RNF145: variants seen among roughly 807,000 people sequenced by gnomAD.
The protein encoded by RNF145 is ring finger protein 145.
RNF145 carries 12 observed loss-of-function variants against 57.3 expected under a neutral mutation model. That is an observed-to-expected ratio of 0.21 (90% confidence interval 0.13 to 0.34). The LOEUF is 0.34. RNF145 is among the 10% of genes least tolerant of loss of function. The pLI, the probability that RNF145 is intolerant of heterozygous loss-of-function variation, is 1.00. For synonymous variants in RNF145, 262 were observed against 288.3 expected, an observed-to-expected ratio of 0.91 and a Z score of 0.92; for missense variants, 429 against 799.0, an observed-to-expected ratio of 0.54 and a Z score of 5.58.
intron 3 of RNF145, among the ~76,000 whole-genome samples, chr5:159,182,901 TA>T (rs1038109185): frequency 5.3e-5 from 8 of 152,154 alleles, no homozygotes; most frequent in Non-Finnish European, 1.0e-4. Context: ...TCATTGTATT[TA>T]AAAGAGAACA....
At chr5:159,207,986 T>A in intron 1 of RNF145, 3 of 1,566,384 alleles carry the variant, frequency 1.9e-6, no homozygotes, top group Non-Finnish European at 2.6e-6. Context: ...CACTCCGTAT[T>A]TTAAAAAATA....
Position 159,176,734 on chromosome 5 carries a change from T to C in RNF145, c.519A>G (p.Lys173=). The part of the protein sequence containing the change: ...VPLETIVIIN[K]FAMIFTGLEV... ...CCAATCCAGTAAAAATCATAGCAAATTTATTGATGATAACAATTGTCTCCA... is the reference window on the plus strand; with the variant it reads ...CCAATCCAGTAAAAATCATAGCAAACTTATTGATGATAACAATTGTCTCCA... Residue 173 remains lysine, a synonymous_variant, in exon 5 of 11, where the codon AAA becomes AAG. Coordinates refer to ENST00000424310, the MANE Select transcript of RNF145 (RefSeq NM_001199383.2). 6.2e-7 allele frequency: 1 copy of C among 1,612,072 alleles called. No homozygotes were observed. Among genetic ancestry groups the C allele is most frequent in the Non-Finnish European group, 8.5e-7 (1 of 1,178,588 alleles).
At chr5:159,169,527 C>T (rs1784482094) in intron 7 of RNF145, 152 bp downstream of exon 7, 1 of 567,388 alleles carries the variant, frequency 1.8e-6, no homozygotes, top group Non-Finnish European at 3.0e-6. Flanking sequence ...TGTATTTTTT[C>T]ATAGTATTTT....
chr5:159,185,632 CT>C (rs1224513814), intron 3 of RNF145, among the ~76,000 whole-genome samples: 1 of 152,126 alleles, frequency 6.6e-6, no homozygotes, highest in Non-Finnish European at 1.5e-5. Context: ...AAAATTCTAA[CT>C]TTTAACAACA....
At chr5:159,183,045 G>A (rs376199310) in intron 3 of RNF145, among the ~76,000 whole-genome samples, 2 of 152,046 alleles carry the variant, frequency 1.3e-5, no homozygotes, top group Admixed American at 6.6e-5. Flanking sequence ...ACAATCAGCC[G>A]GAAGGGTATT....
At chr5:159,175,556 A>C (rs1784694950) in intron 5 of RNF145, among the ~76,000 whole-genome samples, 1 of 152,144 alleles carries the variant, frequency 6.6e-6, no homozygotes, top group Non-Finnish European at 1.5e-5. Flanking sequence ...AAAAATATGT[A>C]TCTTAAATTT....
intron 4 of RNF145, among the ~76,000 whole-genome samples, chr5:159,178,164 A>ATT (rs1303680033): frequency 1.3e-5 from 2 of 151,916 alleles, no homozygotes; most frequent in Non-Finnish European, 2.9e-5. Context: ...AAATAGCTGT[A>ATT]TTTTCTTTTA....
intron 8 of RNF145, among the ~76,000 whole-genome samples, chr5:159,166,198 C>G (rs1481394226): frequency 6.6e-6 from 1 of 152,124 alleles, no homozygotes; most frequent in Non-Finnish European, 1.5e-5. Flanking sequence ...CTGAACTTCT[C>G]TTCATGTTTG....
intron 3 of RNF145, among the ~76,000 whole-genome samples, chr5:159,188,965 C>A (rs1227595120): frequency 6.6e-6 from 1 of 151,968 alleles, no homozygotes; most frequent in Non-Finnish European, 1.5e-5. Flanking sequence ...CTGGATATAG[C>A]CAGTTTTTTA....
intron 6 of RNF145, among the ~76,000 whole-genome samples, chr5:159,172,412 C>T (rs1172242104): frequency 1.3e-5 from 2 of 151,570 alleles, no homozygotes; most frequent in African/African-American, 2.4e-5. Flanking sequence ...ACCTGGGAGG[C>T]GGAGGTTGCA....
intron 2 of RNF145, among the ~76,000 whole-genome samples, chr5:159,197,707 A>G (rs574349589): frequency 6.6e-6 from 1 of 152,354 alleles, no homozygotes; most frequent in South Asian, 2.1e-4. Context: ...CAAACAATCC[A>G]TAACAAACTA....
At chr5:159,168,149 A>C (rs1222170079) in intron 8 of RNF145, among the ~76,000 whole-genome samples, 2 of 152,186 alleles carry the variant, frequency 1.3e-5, no homozygotes, top group Admixed American at 1.3e-4. Context: ...TTTATCCCTC[A>C]CAAAAATTTC....
intron 4 of RNF145, among the ~76,000 whole-genome samples, chr5:159,180,839 C>T (rs1017165364): frequency 1.3e-5 from 2 of 152,024 alleles, no homozygotes; most frequent in African/African-American, 4.8e-5. Flanking sequence ...ACTGCAAGTG[C>T]TAACCAGCCA....
intron 1 of RNF145, among the ~76,000 whole-genome samples, chr5:159,206,739 A>C (rs1280586385): frequency 6.6e-6 from 1 of 152,210 alleles, no homozygotes; most frequent in East Asian, 1.9e-4. Context: ...CTAGAAAATA[A>C]GCAGGAGAGC....
chr5:159,183,423 A>AG (rs1223399158), intron 3 of RNF145, among the ~76,000 whole-genome samples: 3 of 152,192 alleles, frequency 2.0e-5, no homozygotes, highest in African/African-American at 7.2e-5. Flanking sequence ...GCTAGCCCCT[A>AG]GAACAAAAAA....
intron 5 of RNF145, among the ~76,000 whole-genome samples, chr5:159,175,341 T>G (rs937147979): frequency 9.2e-5 from 14 of 152,274 alleles, no homozygotes; most frequent in Middle Eastern, 3.4e-3. Context: ...GCTTATCTGA[T>G]TCTTTCCTGG....
At chr5:159,191,205 T>C (rs1398469000) in intron 3 of RNF145, among the ~76,000 whole-genome samples, 1 of 152,166 alleles carries the variant, frequency 6.6e-6, no homozygotes, top group Non-Finnish European at 1.5e-5. Flanking sequence ...TAGTCTACAA[T>C]TTCAAAGAAG....
intron 4 of RNF145, among the ~76,000 whole-genome samples, chr5:159,179,671 GCTTT>G (rs1387587422): frequency 2.6e-5 from 4 of 152,032 alleles, no homozygotes; most frequent in African/African-American, 7.2e-5. Context: ...AACTTTACAA[GCTTT>G]CTAACTTGGC....
intron 5 of RNF145, 103 bp downstream of exon 5, chr5:159,176,529 T>C: frequency 1.4e-6 from 1 of 712,674 alleles, no homozygotes; most frequent in East Asian, 2.7e-5. Flanking sequence ...ACTGCAAAAA[T>C]GAATGGTACC....
Sources: gnomAD v4.1 joint callset for allele counts (sites outside exome capture counted in the v4.1 genomes callset) on GRCh38, gnomAD v4.1.1 for gene constraint, MANE v1.5 for transcripts, NCBI Gene and HGNC (gene_info 2026-07-23, HGNC 2026-07-21) for gene names.